The following POLD3 variants were observed in gnomAD, a reference collection of about 807,000 sequenced individuals.
The protein encoded by POLD3 is DNA polymerase delta 3, accessory subunit.
POLD3 carries 19 observed loss-of-function variants against 58.2 expected under a neutral mutation model. The ratio of observed to expected loss-of-function variants is 0.33; its 90% CI spans 0.23 to 0.48. POLD3 has a LOEUF of 0.48. Among genes scored for constraint, POLD3 ranks in the 20% least tolerant of loss-of-function variants. The pLI is 0.99. For missense variants in POLD3, 504 were observed against 545.5 expected, an observed-to-expected ratio of 0.92 and a Z score of 0.76; for synonymous variants, 172 against 193.5, an observed-to-expected ratio of 0.89 and a Z score of 0.92.
intron 4 of POLD3, among the ~76,000 whole-genome samples, chr11:74,651,119 A>C (rs900762589): frequency 2.6e-5 from 4 of 152,144 alleles, no homozygotes; most frequent in African/African-American, 9.7e-5. Context: ...CTTATTGGCT[A>C]TCTCCTCCAC....
chr11:74,609,387 T>A (rs1316538573), intron 3 of POLD3, among the ~76,000 whole-genome samples: 78 of 28,984 alleles, frequency 2.7e-3, no homozygotes, highest in African/African-American at 4.9e-3. Context: ...TTTTTTTTTT[T>A]TTTTTTTTTT....
chr11:74,594,696 A>G (rs1053332859), intron 2 of POLD3, among the ~76,000 whole-genome samples: 2 of 152,188 alleles, frequency 1.3e-5, no homozygotes, highest in African/African-American at 4.8e-5. Flanking sequence ...GACACACCTG[A>G]GATTGAATTT....
chr11:74,624,484 T>G (rs929608435), intron 7 of POLD3, among the ~76,000 whole-genome samples: 1 of 152,228 alleles, frequency 6.6e-6, no homozygotes, highest in African/African-American at 2.4e-5. Context: ...ATGATACCAA[T>G]TTTTTTCTAC....
intron 4 of POLD3, among the ~76,000 whole-genome samples, chr11:74,655,568 A>C (rs770832406): frequency 2.8e-4 from 42 of 151,958 alleles, no homozygotes; most frequent in Non-Finnish European, 4.3e-4. Flanking sequence ...GGAACACAAC[A>C]CTCAGTAACT....
chr11:74,615,047 A>C (rs2032041657), intron 5 of POLD3, among the ~76,000 whole-genome samples: 1 of 152,210 alleles, frequency 6.6e-6, no homozygotes, highest in Non-Finnish European at 1.5e-5. Context: ...CCATAGCAGT[A>C]GATAGAGTTA....
intron 4 of POLD3, among the ~76,000 whole-genome samples, chr11:74,650,563 A>G (rs1325140487): frequency 6.6e-6 from 1 of 152,212 alleles, no homozygotes; most frequent in Non-Finnish European, 1.5e-5. Context: ...GCAGCAAAGA[A>G]GCCTCTCCCA....
At chr11:74,606,720 C>T (rs2031689209) in intron 3 of POLD3, among the ~76,000 whole-genome samples, 1 of 152,142 alleles carries the variant, frequency 6.6e-6, no homozygotes, top group Non-Finnish European at 1.5e-5. Context: ...TTAGATGACA[C>T]TGAAAGTGTT....
intron 2 of POLD3, among the ~76,000 whole-genome samples, chr11:74,594,714 C>T (rs543603040): frequency 2.0e-4 from 30 of 152,176 alleles, no homozygotes; most frequent in African/African-American, 5.8e-4. Context: ...TTTATAAAGA[C>T]GAGGTTTAAT....
rs541603014 is a variant in POLD3, at chr11:74,640,879, A to G, written c.*113A>G. 1.6e-5 allele frequency: 21 copies of G among 1,349,946 alleles called. No individual in the cohort carries two copies. The African/African-American group carries it at 2.4e-4, about 15-fold the overall frequency. 83.6% of individuals were successfully genotyped at this position (1,349,946 alleles called of 1,614,324 possible). On this transcript the variant is annotated 3_prime_UTR_variant, in exon 12 of 12. Transcript: ENST00000263681. ...AGATCTCCACCTCACCTGTATCAAA[A>G]GACTGTTCTTTCATCCTGTGAGGTT...
At chr11:74,665,391 ATTTTTTT>A (rs1202426924) in intron 4 of POLD3, among the ~76,000 whole-genome samples, 2 of 83,320 alleles carry the variant, frequency 2.4e-5, no homozygotes, top group African/African-American at 1.0e-4. Context: ...CCCTTTTATA[ATTTTTTT>A]TTTTTTTTTT....
At chr11:74,638,641 G>A (rs561201995) in intron 11 of POLD3, 1 of 455,838 alleles carries the variant, frequency 2.2e-6, no homozygotes, top group South Asian at 1.6e-5. Context: ...CATGTGAGAT[G>A]GAGGTGGTGT....
chr11:74,593,009 C>A lies in POLD3; in HGVS notation c.60+291C>A, dbSNP rs578209889. Reference sequence around the variant, plus strand: ...GAGGGAGGGCCGTTGGCTGAGAGTTCTAAGGCGTCCCTACACCTTTCTTTT... The same window carrying A: ...GAGGGAGGGCCGTTGGCTGAGAGTTATAAGGCGTCCCTACACCTTTCTTTT... On this transcript the variant is annotated intron_variant, in intron 1 of 11. Transcript: ENST00000263681. The A allele has an allele frequency of 1.3e-5, 17 of 1,306,744 alleles. No homozygotes were observed. In the East Asian group the frequency reaches 4.7e-4, roughly 36 times the overall value. The allele number at this position is 1,306,744 out of a possible 1,614,324, so 80.9% of individuals were successfully genotyped here. A position where few individuals can be genotyped will look rare whatever the true frequency, so the allele number is the denominator to read the frequency against.
chr11:74,657,109 T>A (rs1376925404), intron 4 of POLD3, among the ~76,000 whole-genome samples: 1 of 152,128 alleles, frequency 6.6e-6, no homozygotes, highest in Non-Finnish European at 1.5e-5. Context: ...TCCTCTTTTT[T>A]AAATTTCCAT....
intron 2 of POLD3, among the ~76,000 whole-genome samples, chr11:74,603,478 G>A (rs2031570688): frequency 6.6e-6 from 1 of 152,152 alleles, no homozygotes; most frequent in Admixed American, 6.5e-5. Context: ...ATGTAGTAGG[G>A]TGACTAGCCA....
chr11:74,614,977 G>C (rs769059742), intron 5 of POLD3, among the ~76,000 whole-genome samples: 2 of 152,186 alleles, frequency 1.3e-5, no homozygotes, highest in Non-Finnish European at 2.9e-5. Flanking sequence ...GGTGAATCTA[G>C]AGCTAAGGAG....
chr11:74,593,999 G>T, intron 1 of POLD3, 62 bp from the exon 2 acceptor site: 1 of 842,202 alleles, frequency 1.2e-6, no homozygotes, highest in Admixed American at 1.9e-5. Context: ...ACAGACCTTC[G>T]GGACTGATGT....
chr11:74,661,913 C>T (rs900844471), intron 4 of POLD3, among the ~76,000 whole-genome samples: 1 of 152,238 alleles, frequency 6.6e-6, no homozygotes, highest in African/African-American at 2.4e-5. Flanking sequence ...AAAGTCCTTT[C>T]TACTCTTCCC....
In POLD3 at chr11:74,642,577, A is replaced by G; in HGVS notation, c.*1811A>G. On this transcript the variant is annotated 3_prime_UTR_variant, in exon 12 of 12. Transcript: ENST00000263681. ...AGTTCCATCTTGCAAGGGATAATAC[A>G]AATCCTATGATCTCTATGCCCAATA... is the stretch of plus-strand genomic sequence containing the variant. 2 of 985,344 alleles carry G rather than the reference A, an allele frequency of 2.0e-6. No homozygotes were observed. The highest frequency in any genetic ancestry group is 2.4e-6 in the Non-Finnish European group (2 of 829,878). The allele number at this position is 985,344 out of a possible 1,614,324, so 61.0% of individuals were successfully genotyped here.
intron 7 of POLD3, among the ~76,000 whole-genome samples, chr11:74,622,117 G>A (rs1198820277): frequency 2.0e-5 from 3 of 151,042 alleles, no homozygotes; most frequent in Non-Finnish European, 4.4e-5. Context: ...GAGAATATGC[G>A]GTGTTTGGTT....
Sources: allele counts gnomAD v4.1 joint callset (sites outside exome capture counted in the v4.1 genomes callset), GRCh38; gene constraint gnomAD v4.1.1; transcripts MANE v1.5; gene names NCBI Gene and HGNC (gene_info 2026-07-23, HGNC 2026-07-21).